The following SCHIP1 variants were observed in gnomAD, a reference collection of about 807,000 sequenced individuals.
SCHIP1 encodes schwannomin interacting protein 1, also known as schwannomin-interacting protein 1.
In SCHIP1, 8 loss-of-function variants were observed where a neutral mutation model predicts 29.7. The ratio of observed to expected loss-of-function variants is 0.27; its 90% CI spans 0.16 to 0.49. SCHIP1 has a LOEUF of 0.49. Among genes scored for constraint, SCHIP1 ranks in the 20% least tolerant of loss-of-function variants. SCHIP1 has a pLI of 0.99. For missense variants in SCHIP1, 193 were observed against 294.6 expected, an observed-to-expected ratio of 0.66 and a Z score of 2.52; for synonymous variants, 76 against 94.9, an observed-to-expected ratio of 0.80 and a Z score of 1.16.
chr3:159,312,896 A>G, the SCHIP1 span, among the ~76,000 whole-genome samples: 166 of 152,346 alleles, frequency 1.1e-3, 1 homozygote, highest in Middle Eastern at 3.4e-3. Context: ...AAAAACAGAT[A>G]ATCAATAGTC....
chr3:159,828,995 G>A, the SCHIP1 span, among the ~76,000 whole-genome samples: 25,483 of 152,056 alleles, frequency 0.17, 2,370 homozygotes, highest in African/African-American at 0.25. Flanking sequence ...CTGCCACTGC[G>A]TTCTCTGACT....
At chr3:159,694,596 GAAAGAAAGA>G in the SCHIP1 span, among the ~76,000 whole-genome samples, 192 of 137,106 alleles carry the variant, frequency 1.4e-3, 1 homozygote, top group East Asian at 7.5e-3. Context: ...AAGAAAGAAA[GAAAGAAAGA>G]AAGGAATTAT....
chr3:159,416,706 T>C, the SCHIP1 span, among the ~76,000 whole-genome samples: 1 of 152,264 alleles, frequency 6.6e-6, no homozygotes, highest in African/African-American at 2.4e-5. Context: ...CTGGATTTAG[T>C]ATTTTTAGTA....
the SCHIP1 span, among the ~76,000 whole-genome samples, chr3:159,512,441 C>CTAAG: frequency 3.9e-5 from 6 of 152,268 alleles, no homozygotes; most frequent in East Asian, 3.9e-4. Context: ...TGGTCACTGC[C>CTAAG]TAAGTGCCTC....
chr3:159,720,247 AG>A, the SCHIP1 span, among the ~76,000 whole-genome samples: 1 of 16,186 alleles, frequency 6.2e-5, no homozygotes, highest in Non-Finnish European at 1.2e-4. Context: ...GGGAGGGGGG[AG>A]GGGGGAGGAA....
the SCHIP1 span, among the ~76,000 whole-genome samples, chr3:159,481,286 T>C: frequency 6.6e-6 from 1 of 152,142 alleles, no homozygotes; most frequent in South Asian, 2.1e-4. Flanking sequence ...TGATGTACCA[T>C]AAGCATGAAA....
At chr3:159,629,067 G>A in the SCHIP1 span, among the ~76,000 whole-genome samples, 3 of 151,954 alleles carry the variant, frequency 2.0e-5, no homozygotes, top group Admixed American at 2.0e-4. Context: ...AATTATACAT[G>A]CTGAAAATAC....
chr3:159,514,955 C>T, the SCHIP1 span, among the ~76,000 whole-genome samples: 17 of 151,906 alleles, frequency 1.1e-4, no homozygotes, highest in African/African-American at 4.1e-4. Context: ...TTCAGAGCTA[C>T]CCTAGACTCC....
At chr3:159,659,175 AG>A in the SCHIP1 span, among the ~76,000 whole-genome samples, 1 of 152,214 alleles carries the variant, frequency 6.6e-6, no homozygotes, top group African/African-American at 2.4e-5. Flanking sequence ...ATTCATCTGT[AG>A]TATTTTTGAA....
the SCHIP1 span, among the ~76,000 whole-genome samples, chr3:159,393,145 C>T: frequency 7.2e-5 from 11 of 152,150 alleles, no homozygotes; most frequent in South Asian, 8.3e-4. Context: ...CCTTTGCCCA[C>T]TTTTTGATGG....
the SCHIP1 span, among the ~76,000 whole-genome samples, chr3:159,418,472 G>A: frequency 1.3e-5 from 2 of 152,152 alleles, no homozygotes; most frequent in Non-Finnish European, 2.9e-5. Flanking sequence ...TAATTTTAAG[G>A]ACGAGAAAGG....
At chr3:159,522,081 G>A in the SCHIP1 span, among the ~76,000 whole-genome samples, 4 of 152,174 alleles carry the variant, frequency 2.6e-5, no homozygotes, top group Non-Finnish European at 5.9e-5. Context: ...ACATATATCT[G>A]TGCATGGTGT....
chr3:159,430,007 T>C, the SCHIP1 span, among the ~76,000 whole-genome samples: 2 of 152,144 alleles, frequency 1.3e-5, no homozygotes, highest in Non-Finnish European at 2.9e-5. Flanking sequence ...TGAGCAAAGG[T>C]GACTAAAGTG....
At chr3:159,600,047 C>T in the SCHIP1 span, among the ~76,000 whole-genome samples, 52 of 152,286 alleles carry the variant, frequency 3.4e-4, no homozygotes, top group African/African-American at 1.3e-3. Context: ...CCATTCTCTT[C>T]TGGCCTGTAA....
the SCHIP1 span, among the ~76,000 whole-genome samples, chr3:159,549,069 T>C: frequency 1.3e-5 from 2 of 152,164 alleles, no homozygotes; most frequent in Admixed American, 6.6e-5. Context: ...TGAACTGAAA[T>C]TGCAAACTCT....
At chr3:159,305,503 C>A in the SCHIP1 span, among the ~76,000 whole-genome samples, 2 of 152,108 alleles carry the variant, frequency 1.3e-5, no homozygotes, top group Non-Finnish European at 2.9e-5. Flanking sequence ...CTGTCTAAAG[C>A]GAATCCTTTT....
At chr3:159,772,607 C>T in the SCHIP1 span, among the ~76,000 whole-genome samples, 195 of 152,314 alleles carry the variant, frequency 1.3e-3, 1 homozygote, top group African/African-American at 4.4e-3. Context: ...GTATTTTGTG[C>T]CAGCCTTTCT....
chr3:159,482,732 C>T, the SCHIP1 span, among the ~76,000 whole-genome samples: 1 of 152,264 alleles, frequency 6.6e-6, no homozygotes, highest in South Asian at 2.1e-4. Flanking sequence ...AAGAGGATTT[C>T]AGATGGGAGA....
chr3:159,389,582 G>T, the SCHIP1 span, among the ~76,000 whole-genome samples: 1 of 151,918 alleles, frequency 6.6e-6, no homozygotes, highest in African/African-American at 2.4e-5. Context: ...ACATGCATAA[G>T]GATAATTAGA....
Sources: gnomAD v4.1 joint callset for allele counts (sites outside exome capture counted in the v4.1 genomes callset) on GRCh38, gnomAD v4.1.1 for gene constraint, MANE v1.5 for transcripts, NCBI Gene and HGNC (gene_info 2026-07-23, HGNC 2026-07-21) for gene names.